Variants in SPAG16 observed in about 807,000 individuals in gnomAD.
SPAG16 encodes sperm-associated antigen 16 protein.
In SPAG16, 86 loss-of-function variants were observed where a neutral mutation model predicts 80.4. The observed-to-expected ratio is 1.07, with a 90% CI of 0.90 to 1.28. The LOEUF (loss-of-function observed/expected upper bound fraction) is 1.28, where lower values mean the gene tolerates loss of function less well. Among genes scored for constraint, SPAG16 ranks in the 50% most tolerant of loss-of-function variants. The pLI is 0.00. For missense variants in SPAG16, 870 were observed against 765.3 expected, an observed-to-expected ratio of 1.14 and a Z score of -1.61; for synonymous variants, 294 against 265.9, an observed-to-expected ratio of 1.11 and a Z score of -1.03.
chr2:213,860,100 G>A (rs913943474), intron 10 of SPAG16, among the ~76,000 whole-genome samples: 2 of 151,936 alleles, frequency 1.3e-5, no homozygotes, highest in Non-Finnish European at 1.5e-5. Context: ...CCCTTAAACT[G>A]CTTCCCTCCC....
intron 12 of SPAG16, among the ~76,000 whole-genome samples, chr2:213,950,309 GA>G (rs1296048371): frequency 2.0e-5 from 3 of 151,450 alleles, no homozygotes; most frequent in Non-Finnish European, 2.9e-5. Flanking sequence ...ACGAGATTTG[GA>G]AAAAAAACCT....
intron 13 of SPAG16, among the ~76,000 whole-genome samples, chr2:214,035,324 G>A (rs1172181009): frequency 6.6e-6 from 1 of 152,196 alleles, no homozygotes; most frequent in African/African-American, 2.4e-5. Context: ...CAGCTCACAG[G>A]TGGGACTTCA....
At chr2:214,385,622 T>A (rs1329171481) in intron 15 of SPAG16, among the ~76,000 whole-genome samples, 6 of 152,178 alleles carry the variant, frequency 3.9e-5, no homozygotes, top group Admixed American at 3.9e-4. Context: ...GGCAGGTGGA[T>A]CACATGACGT....
At chr2:214,385,642 A>G (rs1437955903) in intron 15 of SPAG16, among the ~76,000 whole-genome samples, 1 of 152,078 alleles carries the variant, frequency 6.6e-6, no homozygotes, top group Non-Finnish European at 1.5e-5. Flanking sequence ...TCAGGAGTTC[A>G]AGACCAGCCT....
chr2:214,020,570 T>G (rs1391715627), intron 13 of SPAG16, among the ~76,000 whole-genome samples: 1 of 152,182 alleles, frequency 6.6e-6, no homozygotes, highest in Non-Finnish European at 1.5e-5. Flanking sequence ...AATTCAGTGA[T>G]TCACAAGTAT....
chr2:213,504,742 G>A (rs1356605156), intron 10 of SPAG16, among the ~76,000 whole-genome samples: 2 of 152,164 alleles, frequency 1.3e-5, no homozygotes, highest in Non-Finnish European at 2.9e-5. Flanking sequence ...AAAATATGGT[G>A]GAAAATGGGG....
intron 15 of SPAG16, among the ~76,000 whole-genome samples, chr2:214,312,372 A>G (rs1036882498): frequency 6.6e-6 from 1 of 152,228 alleles, no homozygotes; most frequent in Non-Finnish European, 1.5e-5. Flanking sequence ...CAGAGTAAAG[A>G]TAACTCATTA....
chr2:213,528,355 A>C (rs1034522330), intron 10 of SPAG16, among the ~76,000 whole-genome samples: 1 of 152,172 alleles, frequency 6.6e-6, no homozygotes, highest in African/African-American at 2.4e-5. Flanking sequence ...ATAAAACTAT[A>C]AAGTATTTTA....
intron 10 of SPAG16, among the ~76,000 whole-genome samples, chr2:213,501,243 T>A (rs1184908582): frequency 6.6e-6 from 1 of 152,222 alleles, no homozygotes; most frequent in East Asian, 1.9e-4. Context: ...TATGTTAAAT[T>A]GGGCTAATAA....
chr2:214,067,115 A>AT lies in SPAG16; in HGVS notation c.1528-41079dup, dbSNP rs534566370. 5.1e-3 allele frequency among the ~76,000 whole-genome samples: 775 copies of AT among 152,236 alleles called. 2 individuals are homozygous for AT. The highest frequency in any genetic ancestry group is 8.8e-3 in the Non-Finnish European group (597 of 68,010). The stretch of plus-strand genomic sequence containing the variant: ...GGTGGTGCTGTTTGGTTCCATTCAC[A>AT]TTAACTTTTCAGCTTTCTATGTGAA... On this transcript the variant is annotated intron_variant, in intron 13 of 15. Coordinates refer to ENST00000331683, the MANE Select transcript of SPAG16 (RefSeq NM_024532.5).
chr2:213,387,362 A>C (rs1202783510), intron 9 of SPAG16, among the ~76,000 whole-genome samples: 1 of 145,362 alleles, frequency 6.9e-6, no homozygotes, highest in Non-Finnish European at 1.5e-5. Flanking sequence ...AGGGGCTGCT[A>C]ACTTGTTTCT....
At chr2:213,346,516 G>A (rs1255495016) in intron 6 of SPAG16, among the ~76,000 whole-genome samples, 4 of 152,150 alleles carry the variant, frequency 2.6e-5, no homozygotes, top group African/African-American at 9.7e-5. Flanking sequence ...TTGGCTGTGG[G>A]TTTGTCATAG....
intron 11 of SPAG16, among the ~76,000 whole-genome samples, chr2:213,894,845 C>T (rs1253753328): frequency 1.3e-5 from 2 of 151,732 alleles, no homozygotes; most frequent in Non-Finnish European, 2.9e-5. Flanking sequence ...AAAAAATTAG[C>T]CAGGCTTGGT....
chr2:213,946,330 G>T (rs1418796366), intron 12 of SPAG16, among the ~76,000 whole-genome samples: 51 of 151,530 alleles, frequency 3.4e-4, no homozygotes, highest in African/African-American at 9.5e-4. Flanking sequence ...GGCCAGGCTG[G>T]TCTTGAACTC....
intron 10 of SPAG16, among the ~76,000 whole-genome samples, chr2:213,619,292 A>G (rs1490577017): frequency 4.6e-5 from 7 of 152,188 alleles, no homozygotes; most frequent in African/African-American, 1.7e-4. Flanking sequence ...GACAGTCAAC[A>G]AAACCAAAAA....
chr2:213,734,672 G>A (rs778757584), intron 10 of SPAG16, among the ~76,000 whole-genome samples: 1 of 151,484 alleles, frequency 6.6e-6, no homozygotes, highest in Non-Finnish European at 1.5e-5. Context: ...AGAATGCTAT[G>A]GGTTCTTCTT....
chr2:213,684,303 TC>T (rs1445606810), intron 10 of SPAG16, among the ~76,000 whole-genome samples: 1 of 152,210 alleles, frequency 6.6e-6, no homozygotes, highest in Non-Finnish European at 1.5e-5. Flanking sequence ...GTACTATAGG[TC>T]TTTTTTAAGT....
rs530509974 is a variant in SPAG16, at chr2:214,189,551, G to C, written c.1720+40285G>C. On this transcript the variant is annotated intron_variant, in intron 15 of 15. Transcript: ENST00000331683. ...TGCATTTTGCATATTTTAAAATAAG[G>C]GCTTGAATTGGGAGAATTTTTCAAG... Among the ~76,000 whole-genome samples, 14 of 151,904 alleles carry C rather than the reference G, an allele frequency of 9.2e-5. No individual in the cohort carries two copies. In the South Asian group the frequency reaches 2.9e-3, roughly 32 times the overall value.
intron 10 of SPAG16, among the ~76,000 whole-genome samples, chr2:213,719,755 C>A (rs1342815730): frequency 6.6e-6 from 1 of 152,134 alleles, no homozygotes; most frequent in Non-Finnish European, 1.5e-5. Flanking sequence ...TAAATTAGTT[C>A]AATGATTGTG....
Sources: allele counts gnomAD v4.1 joint callset (sites outside exome capture counted in the v4.1 genomes callset), GRCh38; gene constraint gnomAD v4.1.1; transcripts MANE v1.5; gene names NCBI Gene and HGNC (gene_info 2026-07-23, HGNC 2026-07-21).